ALKBH1: variants seen among roughly 807,000 people sequenced by gnomAD.
The protein encoded by ALKBH1 is alkB homolog 1, histone H2A dioxygenase.
Under a neutral mutation model 36.6 loss-of-function variants are expected in ALKBH1, and 31 were observed. That is an observed-to-expected ratio of 0.85 (90% CI 0.64 to 1.14). The LOEUF is 1.14. ALKBH1 is among the 50% of genes most tolerant of loss of function. The probability of loss-of-function intolerance (pLI) is 0.00; values close to 1 mark genes in which losing one functional copy is unlikely to be tolerated. For missense variants in ALKBH1, 490 were observed against 497.3 expected, an observed-to-expected ratio of 0.99 and a Z score of 0.14; for synonymous variants, 183 against 186.6, an observed-to-expected ratio of 0.98 and a Z score of 0.16.
intron 3 of ALKBH1, among the ~76,000 whole-genome samples, chr14:77,689,145 A>G (rs2080284629): frequency 6.6e-6 from 1 of 152,080 alleles, no homozygotes; most frequent in Non-Finnish European, 1.5e-5. Context: ...AATTTTCTCT[A>G]CTGAAATGCT....
At chr14:77,683,581 T>C (rs2080250782) in intron 3 of ALKBH1, 6 of 392,750 alleles carry the variant, frequency 1.5e-5, no homozygotes, top group South Asian at 2.6e-5. Flanking sequence ...ATCATCCTCC[T>C]TTTTTTTTGA....
At chr14:77,694,095 C>T (rs977672540) in intron 3 of ALKBH1, among the ~76,000 whole-genome samples, 3 of 152,130 alleles carry the variant, frequency 2.0e-5, no homozygotes, top group Admixed American at 6.6e-5. Context: ...TTTTCTAAAC[C>T]GCATCATAAC....
chr14:77,682,738 C>T (rs1333960352), intron 3 of ALKBH1, among the ~76,000 whole-genome samples: 1 of 152,124 alleles, frequency 6.6e-6, no homozygotes, highest in Non-Finnish European at 1.5e-5. Flanking sequence ...CATTTTGTCA[C>T]CCAGGCTGGA....
intron 3 of ALKBH1, among the ~76,000 whole-genome samples, chr14:77,684,238 C>A (rs191308672): frequency 6.6e-6 from 1 of 152,176 alleles, no homozygotes; most frequent in African/African-American, 2.4e-5. Flanking sequence ...CTAGTAAGTT[C>A]CCAAATGATA....
At chr14:77,705,250 T>C (rs2080381808) in intron 1 of ALKBH1, among the ~76,000 whole-genome samples, 1 of 151,856 alleles carries the variant, frequency 6.6e-6, no homozygotes, top group South Asian at 2.1e-4. Context: ...CCGTCTCTAC[T>C]AAAAATACAA....
At chr14:77,702,515 C>G (rs1463547292) in intron 2 of ALKBH1, among the ~76,000 whole-genome samples, 1 of 151,934 alleles carries the variant, frequency 6.6e-6, no homozygotes, top group Non-Finnish European at 1.5e-5. Context: ...ACAATGAAAA[C>G]TAACATTTCT....
chr14:77,680,032 A>G lies in ALKBH1; in HGVS notation c.456-62T>C, dbSNP rs945189504. ...TAAAATGGCAGCAATAGCCGTTTGT[A>G]TGGACTCTGGAGTTAAAATTTAGTA... On this transcript the variant is annotated intron_variant, in intron 3 of 5. Transcript: ENST00000216489. 2.3e-6 allele frequency: 3 copies of G among 1,311,404 alleles called. No individual in the cohort carries two copies. In the African/African-American group the frequency reaches 4.4e-5, roughly 19 times the overall value. The allele number at this position is 1,311,404 out of a possible 1,614,324, so 81.2% of individuals were successfully genotyped here.
chr14:77,675,813 C>A lies in ALKBH1; in HGVS notation c.583G>T (p.Asp195Tyr). The change falls in exon 5 of 6, where the codon GAC becomes TAC. Residue 195 changes from aspartate (D) to tyrosine (Y), a missense_variant. By Grantham distance (160) the Asp-to-Tyr change is radical (BLOSUM62 -3). Coordinates refer to ENST00000216489, the MANE Select transcript of ALKBH1 (RefSeq NM_006020.3). Reference protein sequence around the residue: ...SADHYTPFPSDLGFLSEQVAA... With the variant: ...SADHYTPFPSYLGFLSEQVAA... The stretch of plus-strand genomic sequence containing the variant: ...ACTTGCTCTGAGAGGAAACCCAGGT[C>A]AGAAGGGAAAGGTGTGTAATGATCT... 1 of 1,613,756 alleles carries A rather than the reference C, an allele frequency of 6.2e-7. No individual in the cohort carries two copies. Among genetic ancestry groups the A allele is most frequent in the South Asian group, 1.1e-5 (1 of 91,046 alleles).
intron 2 of ALKBH1, 152 bp downstream of exon 2, chr14:77,704,217 A>T: frequency 1.7e-6 from 1 of 598,990 alleles, no homozygotes; most frequent in Non-Finnish European, 3.0e-6. Context: ...TAGACAAGGT[A>T]CAGTCTAGAA....
chr14:77,694,328 T>C (rs141254730), intron 3 of ALKBH1, among the ~76,000 whole-genome samples: 38 of 152,290 alleles, frequency 2.5e-4, no homozygotes, highest in East Asian at 2.1e-3. Flanking sequence ...AACTGACCTA[T>C]CATAAAACGG....
chr14:77,704,987 T>C (rs1395267931), intron 1 of ALKBH1, among the ~76,000 whole-genome samples: 1 of 152,214 alleles, frequency 6.6e-6, no homozygotes, highest in Non-Finnish European at 1.5e-5. Flanking sequence ...GAAAGGTGCT[T>C]GGTGTACTGA....
At position 77,672,753 on chromosome 14, in the gene ALKBH1, T is replaced by C. The variant is rs2080182874; in HGVS notation, c.*1059A>G. The C allele has an allele frequency of 2.6e-5, 4 of 152,218 alleles. 1 individual carries two copies. The South Asian group carries it at 6.2e-4, about 24-fold the overall frequency. 9.4% of individuals were successfully genotyped at this position (152,218 alleles called of 1,614,324 possible). On this transcript the variant is annotated 3_prime_UTR_variant, in exon 6 of 6. Coordinates refer to ENST00000216489, the MANE Select transcript of ALKBH1 (RefSeq NM_006020.3). ...AACCGAGGTCCAGAGAAATGTAAAGTAACCTGGACCATGATATAGTCAGTC... is the reference window on the plus strand; with the variant it reads ...AACCGAGGTCCAGAGAAATGTAAAGCAACCTGGACCATGATATAGTCAGTC...
rs2080375935 is a variant in ALKBH1 at position 77,704,274 on chromosome 14, G to A, written c.292+95C>T. The A allele has an allele frequency of 4.6e-6, 4 of 875,780 alleles. No individual in the cohort carries two copies. The African/African-American group carries it at 6.6e-5, about 14-fold the overall frequency. 54.3% of individuals were successfully genotyped at this position (875,780 alleles called of 1,614,324 possible). A position where few individuals can be genotyped will look rare whatever the true frequency, so the allele number is the denominator to read the frequency against. On this transcript the variant is annotated intron_variant, in intron 2 of 5. Coordinates refer to ENST00000216489, the MANE Select transcript of ALKBH1 (RefSeq NM_006020.3). The stretch of plus-strand genomic sequence containing the variant: ...TATCTGTTTATTATGTGTATCCTTT[G>A]TCTATTTACTTGCTCACACACAGTA...
chr14:77,698,251 G>A (rs1306845540), intron 2 of ALKBH1, among the ~76,000 whole-genome samples: 1 of 152,184 alleles, frequency 6.6e-6, no homozygotes, highest in Admixed American at 6.6e-5. Context: ...GGAAACAGAA[G>A]AGAGGAAAGA....
At chr14:77,676,279 G>A (rs559304077) in intron 4 of ALKBH1, among the ~76,000 whole-genome samples, 14 of 151,982 alleles carry the variant, frequency 9.2e-5, no homozygotes, top group African/African-American at 2.9e-4. Flanking sequence ...CACTGTGCCC[G>A]GTCTATCCAT....
chr14:77,690,490 C>A (rs1421395334), intron 3 of ALKBH1, among the ~76,000 whole-genome samples: 7 of 152,166 alleles, frequency 4.6e-5, no homozygotes, highest in Admixed American at 4.6e-4. Context: ...GGAACCACAC[C>A]TGAGTTTGTG....
rs139873089 is a variant in ALKBH1, at chr14:77,683,835, G to C, written c.456-3865C>G. On this transcript the variant is annotated intron_variant, in intron 3 of 5. Coordinates refer to ENST00000216489, the MANE Select transcript of ALKBH1 (RefSeq NM_006020.3). ...GATCCAAACGCCTCAGCCTCCCAAA[G>C]TGCTGGGATTACAGGCATGTGCCAC... is the stretch of plus-strand genomic sequence containing the variant. 1,287 of 167,956 alleles carry C rather than the reference G, an allele frequency of 7.7e-3. 13 individuals carry two copies. The highest frequency in any genetic ancestry group is 0.03 in the African/African-American group (1,238 of 41,720). 10.4% of individuals were successfully genotyped at this position (167,956 alleles called of 1,614,324 possible).
chr14:77,681,516 A>G (rs1373028928), intron 3 of ALKBH1, among the ~76,000 whole-genome samples: 1 of 152,214 alleles, frequency 6.6e-6, no homozygotes, highest in Non-Finnish European at 1.5e-5. Flanking sequence ...GTCCTCACAG[A>G]GTTTACATTC....
At chr14:77,678,548 A>T (rs77768504) in intron 4 of ALKBH1, among the ~76,000 whole-genome samples, 11 of 43,662 alleles carry the variant, frequency 2.5e-4, no homozygotes, top group African/African-American at 1.1e-3. Context: ...ACCATTACAA[A>T]AAAAAAAAAA....
Sources: allele counts gnomAD v4.1 joint callset (sites outside exome capture counted in the v4.1 genomes callset), GRCh38; gene constraint gnomAD v4.1.1; transcripts MANE v1.5; gene names NCBI Gene and HGNC (gene_info 2026-07-23, HGNC 2026-07-21).